FARP1: variants seen among roughly 807,000 people sequenced by gnomAD.
FARP1 encodes FERM, ARHGEF and pleckstrin domain-containing protein 1.
FARP1 carries 52 observed loss-of-function variants against 128.8 expected under a neutral mutation model. The ratio of observed to expected loss-of-function variants is 0.40; its 90% confidence interval spans 0.32 to 0.51. The LOEUF (loss-of-function observed/expected upper bound fraction) is 0.51. FARP1 is among the 20% of genes least tolerant of loss of function. The probability of loss-of-function intolerance (pLI) is 0.45; values close to 1 mark genes in which losing one functional copy is unlikely to be tolerated. For missense variants in FARP1, 1,333 were observed against 1,367.9 expected, an observed-to-expected ratio of 0.97 and a Z score of 0.40; for synonymous variants, 580 against 551.8, an observed-to-expected ratio of 1.05 and a Z score of -0.72.
intron 2 of FARP1, among the ~76,000 whole-genome samples, chr13:98,264,876 A>G (rs567749676): frequency 1.6e-3 from 239 of 152,344 alleles, no homozygotes; most frequent in African/African-American, 5.5e-3. Context: ...TCGAATTCTT[A>G]CTATTCATTC....
intron 2 of FARP1, among the ~76,000 whole-genome samples, chr13:98,218,243 G>C (rs1038093431): frequency 6.6e-6 from 1 of 151,942 alleles, no homozygotes; most frequent in African/African-American, 2.4e-5. Context: ...CAACTGCCAG[G>C]CCTCTCCCAG....
At chr13:98,359,364 TC>T (rs1888770366) in intron 3 of FARP1, among the ~76,000 whole-genome samples, 1 of 152,224 alleles carries the variant, frequency 6.6e-6, no homozygotes, top group Non-Finnish European at 1.5e-5. Flanking sequence ...TAACTGATTA[TC>T]TTTTAATAAG....
intron 6 of FARP1, among the ~76,000 whole-genome samples, chr13:98,379,348 A>C (rs1389414415): frequency 2.7e-5 from 4 of 149,518 alleles, no homozygotes; most frequent in Non-Finnish European, 5.9e-5. Context: ...CACAGAACTT[A>C]ATGTAATTTT....
Position 98,232,144 on chromosome 13 carries a change from G to GTTTTTTTTTTTTTTTTTTTTT in FARP1, c.171+18731_171+18732insTTTTTTTTTTTTTTTTTTTTT, listed in dbSNP as rs1555329634. On this transcript the variant is annotated intron_variant, in intron 2 of 26. Transcript: ENST00000319562. ...CGTGCCCGGCTTTTTTTGTTTGGTTGGTTTTTTTTTTTTTTTTTTTTTGCT... is the reference window on the plus strand; with the variant it reads ...CGTGCCCGGCTTTTTTTGTTTGGTTGTTTTTTTTTTTTTTTTTTTTTGTTTTTTTTTTTTTTTTTTTTTGCT... 2.2e-4 allele frequency among the ~76,000 whole-genome samples: 25 copies of GTTTTTTTTTTTTTTTTTTTTT among 111,680 alleles called. 1 individual carries two copies. The highest frequency in any genetic ancestry group is 1.1e-3 in the East Asian group (4 of 3,780). 73.3% of individuals were successfully genotyped at this position (111,680 alleles called of 152,430 possible). A position where few individuals can be genotyped will look rare whatever the true frequency, so the allele number is the denominator to read the frequency against.
At chr13:98,307,392 G>A (rs544120445) in intron 2 of FARP1, among the ~76,000 whole-genome samples, 3 of 152,168 alleles carry the variant, frequency 2.0e-5, no homozygotes, top group South Asian at 2.1e-4. Context: ...CTCCTGAAAC[G>A]CGTCCCTTGC....
chr13:98,431,008 C>T lies in FARP1; in HGVS notation c.1906-35C>T, dbSNP rs752734520. 5 of 1,448,660 alleles carry T rather than the reference C, an allele frequency of 3.5e-6. No homozygotes were observed. The East Asian group carries it at 9.1e-5, about 26-fold the overall frequency. 89.7% of individuals were successfully genotyped at this position (1,448,660 alleles called of 1,614,324 possible). ...CAGAACACAGGTGCATCCCATTCAGCTGAACAGGACCCTCCTCCTCTGTTG... is the reference window on the plus strand; with the variant it reads ...CAGAACACAGGTGCATCCCATTCAGTTGAACAGGACCCTCCTCCTCTGTTG... On this transcript the variant is annotated intron_variant, in intron 17 of 26. Coordinates refer to ENST00000319562, the MANE Select transcript of FARP1 (RefSeq NM_005766.4).
chr13:98,302,878 A>T (rs2139705130), intron 2 of FARP1, among the ~76,000 whole-genome samples: 1 of 152,184 alleles, frequency 6.6e-6, no homozygotes, highest in South Asian at 2.1e-4. Context: ...TGGGCAAGAG[A>T]GAGAGCAGGG....
At chr13:98,372,081 CTTT>C (rs56838920) in intron 5 of FARP1, among the ~76,000 whole-genome samples, 32 of 92,340 alleles carry the variant, frequency 3.5e-4, no homozygotes, top group East Asian at 1.5e-3. Flanking sequence ...CCCAGTTTTT[CTTT>C]TTTTTTTTTT....
intron 1 of FARP1, among the ~76,000 whole-genome samples, chr13:98,144,734 G>T (rs1875389762): frequency 6.6e-6 from 1 of 152,226 alleles, no homozygotes; most frequent in South Asian, 2.1e-4. Context: ...AGAGGAGAAA[G>T]AAACATCTTT....
chr13:98,354,764 G>T (rs1235178688), intron 3 of FARP1, among the ~76,000 whole-genome samples: 6 of 152,168 alleles, frequency 3.9e-5, no homozygotes, highest in South Asian at 2.1e-4. Context: ...GTGCCATCAA[G>T]AGAAGAATTG....
chr13:98,341,152 A>AAT (rs1181713772), intron 2 of FARP1: 1 of 151,720 alleles, frequency 6.6e-6, no homozygotes, highest in Non-Finnish European at 1.5e-5. Flanking sequence ...GTTAAAAAAA[A>AAT]AAAAGTACTT....
At position 98,431,079 on chromosome 13, in the gene FARP1, T is replaced by TTGGAGGCCC; in HGVS notation, c.1948_1956dup (p.Ala650_Glu652dup). The TTGGAGGCCC allele has an allele frequency of 1.2e-6, 2 of 1,614,140 alleles. No homozygotes were observed. Among genetic ancestry groups the TTGGAGGCCC allele is most frequent in the Non-Finnish European group, 8.5e-7 (1 of 1,179,986 alleles). The stretch of plus-strand genomic sequence containing the variant: ...TCACCTGTGGAAGCACAGCGAGGCC[T>TTGGAGGCCC]TGGAGGCCCTGGAGAATGGAATCAA... On this transcript the variant is annotated inframe_insertion, in exon 18 of 27. Transcript: ENST00000319562.
intron 1 of FARP1, among the ~76,000 whole-genome samples, chr13:98,164,857 A>G (rs944406832): frequency 2.0e-5 from 3 of 152,154 alleles, no homozygotes; most frequent in African/African-American, 4.8e-5. Context: ...AGGCGGGTGG[A>G]TCACTTGAGG....
At chr13:98,394,558 T>C (rs1890440368) in intron 12 of FARP1, among the ~76,000 whole-genome samples, 1 of 152,152 alleles carries the variant, frequency 6.6e-6, no homozygotes, top group Admixed American at 6.5e-5. Context: ...TCCCAGCACT[T>C]TGGGAGGCCA....
At chr13:98,342,753 A>G (rs56230513) in intron 2 of FARP1, among the ~76,000 whole-genome samples, 16,467 of 143,686 alleles carry the variant, frequency 0.11, 1,111 homozygotes, top group African/African-American at 0.21. Context: ...GGCAGGGCAC[A>G]GTGGCTCATG....
At chr13:98,442,580 C>T (rs1892569167) in intron 24 of FARP1, among the ~76,000 whole-genome samples, 1 of 152,210 alleles carries the variant, frequency 6.6e-6, no homozygotes, top group African/African-American at 2.4e-5. Context: ...CCTGACAGCC[C>T]AGGTGTGAAG....
intron 1 of FARP1, among the ~76,000 whole-genome samples, chr13:98,202,796 C>T (rs190942204): frequency 3.9e-5 from 6 of 151,964 alleles, no homozygotes; most frequent in East Asian, 1.9e-4. Context: ...CATAGCTCAC[C>T]ACAGCCACAA....
intron 1 of FARP1, among the ~76,000 whole-genome samples, chr13:98,157,301 C>T (rs963398107): frequency 6.6e-6 from 1 of 151,986 alleles, no homozygotes. Flanking sequence ...GCCTCCTGTA[C>T]TTCCCTCTTC....
At chr13:98,281,668 G>C (rs1884943043) in intron 2 of FARP1, among the ~76,000 whole-genome samples, 1 of 152,194 alleles carries the variant, frequency 6.6e-6, no homozygotes, top group Admixed American at 6.5e-5. Context: ...CTGCAAACAA[G>C]AAATCTGCTC....
Sources: allele counts gnomAD v4.1 joint callset (sites outside exome capture counted in the v4.1 genomes callset), GRCh38; gene constraint gnomAD v4.1.1; transcripts MANE v1.5; gene names NCBI Gene and HGNC (gene_info 2026-07-23, HGNC 2026-07-21).